Variants in CREB5 observed in about 807,000 individuals in gnomAD.
CREB5 encodes the protein cAMP responsive element binding protein 5.
Under a neutral mutation model 57.1 loss-of-function variants are expected in CREB5, and 19 were observed. That is an observed-to-expected ratio of 0.33 (90% CI 0.23 to 0.49). The LOEUF is 0.49. Among genes scored for constraint, CREB5 ranks in the 20% least tolerant of loss-of-function variants. CREB5 has a pLI of 0.99. For missense variants in CREB5, 579 were observed against 671.6 expected (o/e 0.86, Z 1.52); for synonymous variants, 238 against 238.3 (o/e 1.00, Z 0.01).
At chr7:28,606,076 A>G (rs1161415229) in intron 5 of CREB5, among the ~76,000 whole-genome samples, 1 of 152,220 alleles carries the variant, frequency 6.6e-6, no homozygotes, top group Non-Finnish European at 1.5e-5. Flanking sequence ...AGATTGGGAA[A>G]GCATTACTAC....
In CREB5 at chr7:28,494,992, G is replaced by T; in HGVS notation, c.162G>T (p.Met54Ile). Residue 54 changes from methionine (M) to isoleucine (I), a missense_variant, in exon 3 of 11, where the codon ATG becomes ATT. Physicochemically the swap from Met to Ile is conservative, Grantham distance 10. Transcript: ENST00000357727. ...TTCCTTCAATAAAAACAGACAATAT[G>T]TTATCAGGTAAGGAGCCATCAGGAA... ...LKFPSIKTDNMLSDQTPTPTR... is the reference protein window; with the variant it reads ...LKFPSIKTDNILSDQTPTPTR... 2 of 1,601,772 alleles carry T rather than the reference G, an allele frequency of 1.2e-6. No individual in the cohort carries two copies. Among genetic ancestry groups the T allele is most frequent in the Non-Finnish European group, 1.7e-6 (2 of 1,176,128 alleles).
intron 1 of CREB5, among the ~76,000 whole-genome samples, chr7:28,450,988 G>C (rs1441154168): frequency 2.6e-5 from 4 of 152,134 alleles, no homozygotes; most frequent in Admixed American, 6.5e-5. Context: ...CTGGCTCTTT[G>C]TGCCTCAAGT....
At chr7:28,334,109 T>C (rs912468617) in intron 1 of CREB5, among the ~76,000 whole-genome samples, 2 of 152,176 alleles carry the variant, frequency 1.3e-5, no homozygotes, top group African/African-American at 4.8e-5. Flanking sequence ...TATCTCATTG[T>C]AGTTGTGATT....
intron 7 of CREB5, chr7:28,779,364 TG>T (rs1806840904): frequency 6.6e-6 from 1 of 152,254 alleles, no homozygotes; most frequent in African/African-American, 2.4e-5. Context: ...TTGTTATCTT[TG>T]GATATTTATC....
chr7:28,467,389 G>A (rs563592426), intron 1 of CREB5, among the ~76,000 whole-genome samples: 8 of 152,218 alleles, frequency 5.3e-5, no homozygotes, highest in Non-Finnish European at 7.4e-5. Flanking sequence ...CCATTATTCC[G>A]TCCCTGCTTT....
At chr7:28,766,374 G>C (rs961717153) in intron 7 of CREB5, among the ~76,000 whole-genome samples, 1 of 151,978 alleles carries the variant, frequency 6.6e-6, no homozygotes, top group Non-Finnish European at 1.5e-5. Context: ...TGAGCCCTTG[G>C]GTGTAAACTC....
intron 7 of CREB5, among the ~76,000 whole-genome samples, chr7:28,766,970 C>T (rs1016801316): frequency 5.9e-5 from 9 of 152,226 alleles, no homozygotes; most frequent in African/African-American, 1.9e-4. Flanking sequence ...AGTTCAAACA[C>T]AGAATTGGAC....
chr7:28,665,918 C>T (rs10254611), intron 5 of CREB5, among the ~76,000 whole-genome samples: 39,571 of 151,920 alleles, frequency 0.26, 5,255 homozygotes, highest in Middle Eastern at 0.37. Context: ...ACAAAGAGTG[C>T]TGCCGACACC....
intron 1 of CREB5, among the ~76,000 whole-genome samples, chr7:28,394,070 C>CAAAAAAAA (rs56166148): frequency 1.5e-4 from 8 of 52,998 alleles, no homozygotes; most frequent in Admixed American, 2.6e-4. Context: ...GACTCTGTCT[C>CAAAAAAAA]AAAAAAAAAA....
At chr7:28,533,380 G>A (rs191184430) in intron 4 of CREB5, among the ~76,000 whole-genome samples, 1 of 152,154 alleles carries the variant, frequency 6.6e-6, no homozygotes, top group South Asian at 2.1e-4. Flanking sequence ...TGGCGAGACC[G>A]CATAACTTGT....
At chr7:28,373,504 G>T (rs1354593252) in intron 1 of CREB5, among the ~76,000 whole-genome samples, 1 of 148,918 alleles carries the variant, frequency 6.7e-6, no homozygotes, top group Non-Finnish European at 1.5e-5. Context: ...GCAGTAGCGC[G>T]ACCTTGGCTC....
At chr7:28,665,082 A>G (rs1799767696) in intron 5 of CREB5, among the ~76,000 whole-genome samples, 1 of 152,212 alleles carries the variant, frequency 6.6e-6, no homozygotes, top group Non-Finnish European at 1.5e-5. Context: ...AAAGCTGGGA[A>G]AGATCAGAGA....
At chr7:28,708,577 C>T (rs1454727245) in intron 5 of CREB5, among the ~76,000 whole-genome samples, 3 of 152,168 alleles carry the variant, frequency 2.0e-5, no homozygotes, top group Admixed American at 6.5e-5. Flanking sequence ...TAAGCAGAGG[C>T]TGCCGGGAAG....
intron 5 of CREB5, among the ~76,000 whole-genome samples, chr7:28,642,989 C>CACACACACAT (rs1798734222): frequency 3.1e-4 from 22 of 71,106 alleles, no homozygotes; most frequent in South Asian, 8.6e-4. Context: ...CACACACATA[C>CACACACACAT]ACACACACAC....
intron 5 of CREB5, among the ~76,000 whole-genome samples, chr7:28,714,723 A>G (rs1398681829): frequency 6.6e-6 from 1 of 152,266 alleles, no homozygotes; most frequent in Non-Finnish European, 1.5e-5. Context: ...TGTAAGCAGT[A>G]TGTTTATACA....
At chr7:28,425,301 T>C (rs551547427) in intron 1 of CREB5, among the ~76,000 whole-genome samples, 7 of 152,038 alleles carry the variant, frequency 4.6e-5, no homozygotes, top group African/African-American at 7.2e-5. Flanking sequence ...ATAACATGAA[T>C]GAACCTTGAA....
intron 5 of CREB5, among the ~76,000 whole-genome samples, chr7:28,620,353 G>A (rs1024145405): frequency 6.6e-6 from 1 of 151,972 alleles, no homozygotes; most frequent in South Asian, 2.1e-4. Context: ...GGAAGAGGGG[G>A]GTGCCACTCA....
intron 7 of CREB5, among the ~76,000 whole-genome samples, chr7:28,743,062 G>T (rs535479080): frequency 5.3e-4 from 81 of 152,304 alleles, no homozygotes; most frequent in African/African-American, 1.9e-3. Flanking sequence ...GGAATTACAG[G>T]CATGAGCCAC....
chr7:28,724,169 A>C, intron 6 of CREB5, 53 bp from the exon 7 acceptor site: 3 of 1,485,002 alleles, frequency 2.0e-6, no homozygotes, highest in Non-Finnish European at 2.8e-6. Flanking sequence ...GCTTTGTCTA[A>C]TGACCTAGAC....
Sources: gnomAD v4.1 joint callset for allele counts (sites outside exome capture counted in the v4.1 genomes callset) on GRCh38, gnomAD v4.1.1 for gene constraint, MANE v1.5 for transcripts, NCBI Gene and HGNC (gene_info 2026-07-23, HGNC 2026-07-21) for gene names.